WWC2: variants seen among roughly 807,000 people sequenced by gnomAD.
WWC2 encodes protein WWC2.
In WWC2, 101 loss-of-function variants were observed where a neutral mutation model predicts 138.5. The ratio of observed to expected loss-of-function variants is 0.73; its 90% CI spans 0.62 to 0.86. The LOEUF (loss-of-function observed/expected upper bound fraction) is 0.86. Ranked by LOEUF, WWC2 falls within the 40% of genes least tolerant of loss-of-function variation. The pLI is 0.00. For missense variants in WWC2, 1,420 were observed against 1,419.4 expected, an observed-to-expected ratio of 1.00 and a Z score of -0.01; for synonymous variants, 558 against 538.4, an observed-to-expected ratio of 1.04 and a Z score of -0.50.
chr4:183,165,422 G>A (rs4452469), intron 1 of WWC2, among the ~76,000 whole-genome samples: 150,598 of 152,308 alleles, frequency 0.99, 74,478 homozygotes, highest in Middle Eastern at 1. Flanking sequence ...TTGAGAAGCT[G>A]TTTAAGCCAG....
At chr4:183,252,891 C>T (rs75630539) in intron 8 of WWC2, among the ~76,000 whole-genome samples, 2 of 152,010 alleles carry the variant, frequency 1.3e-5, no homozygotes, top group Admixed American at 6.6e-5. Flanking sequence ...TGACTCCCTC[C>T]CAGGGTCTTG....
At chr4:183,122,695 T>A (rs1053459241) in intron 1 of WWC2, among the ~76,000 whole-genome samples, 2 of 151,972 alleles carry the variant, frequency 1.3e-5, no homozygotes, top group African/African-American at 4.8e-5. Flanking sequence ...AATTTTGTGT[T>A]TTTAGTAGCA....
Position 183,164,371 on chromosome 4 carries a change from A to T in WWC2, c.132-29228A>T, listed in dbSNP as rs1262467784. 0.011 allele frequency among the ~76,000 whole-genome samples: 7 copies of T among 642 alleles called. No individual in the cohort carries two copies. The East Asian group carries it at 0.14, about 13-fold the overall frequency. 0.4% of individuals were successfully genotyped at this position (642 alleles called of 152,430 possible). ...TATTATATATACATATATATATTAT[A>T]TATACATATATATATTATATATACA... On this transcript the variant is annotated intron_variant, in intron 1 of 22. Transcript: ENST00000403733.
At chr4:183,153,645 CTTT>C (rs397964355) in intron 1 of WWC2, among the ~76,000 whole-genome samples, 1 of 129,046 alleles carries the variant, frequency 7.7e-6, no homozygotes, top group Non-Finnish European at 1.6e-5. Context: ...TAGAAGTAGT[CTTT>C]TTTTTTTTTT....
chr4:183,130,212 C>T (rs1053841446), intron 1 of WWC2, among the ~76,000 whole-genome samples: 4 of 152,018 alleles, frequency 2.6e-5, no homozygotes. Flanking sequence ...GCCACCACGC[C>T]CTGCTAATTT....
chr4:183,209,315 C>T (rs1209069134), intron 4 of WWC2, among the ~76,000 whole-genome samples: 1 of 152,164 alleles, frequency 6.6e-6, no homozygotes, highest in Non-Finnish European at 1.5e-5. Flanking sequence ...GCAATCTCCG[C>T]CTCCTGGGTT....
chr4:183,221,617 A>G (rs1340408575), intron 4 of WWC2, among the ~76,000 whole-genome samples: 3 of 152,254 alleles, frequency 2.0e-5, no homozygotes, highest in Non-Finnish European at 4.4e-5. Flanking sequence ...ATTGTCAAAT[A>G]CTTGGAAATT....
chr4:183,196,205 C>T (rs551037539), intron 2 of WWC2, among the ~76,000 whole-genome samples: 1 of 152,130 alleles, frequency 6.6e-6, no homozygotes, highest in South Asian at 2.1e-4. Flanking sequence ...GTTAATTAAA[C>T]CTCTTTTCTT....
chr4:183,202,697 A>G (rs997931176), intron 2 of WWC2, among the ~76,000 whole-genome samples: 20 of 152,160 alleles, frequency 1.3e-4, no homozygotes, highest in Admixed American at 1.1e-3. Flanking sequence ...GAGCATATGT[A>G]TATATAATTC....
At chr4:183,301,037 C>T (rs374183404) in intron 21 of WWC2, among the ~76,000 whole-genome samples, 31 of 152,212 alleles carry the variant, frequency 2.0e-4, no homozygotes, top group African/African-American at 5.8e-4. Context: ...CCTGACTTTT[C>T]GTGATATATC....
intron 4 of WWC2, among the ~76,000 whole-genome samples, chr4:183,215,881 T>G (rs1302063091): frequency 6.6e-6 from 1 of 152,202 alleles, no homozygotes; most frequent in Non-Finnish European, 1.5e-5. Flanking sequence ...GCAATTAATT[T>G]TTCCTGTTAG....
intron 1 of WWC2, among the ~76,000 whole-genome samples, chr4:183,120,846 T>C (rs1318485461): frequency 6.6e-6 from 1 of 152,198 alleles, no homozygotes; most frequent in Non-Finnish European, 1.5e-5. Flanking sequence ...CCTCCTGGGC[T>C]CAGGCAGTTC....
At chr4:183,155,490 A>G (rs1246635718) in intron 1 of WWC2, among the ~76,000 whole-genome samples, 1 of 152,168 alleles carries the variant, frequency 6.6e-6, no homozygotes. Flanking sequence ...TGGAAGGGGT[A>G]TTTTAGAATG....
intron 1 of WWC2, among the ~76,000 whole-genome samples, chr4:183,133,747 G>A (rs1733019600): frequency 6.6e-6 from 1 of 152,020 alleles, no homozygotes; most frequent in Non-Finnish European, 1.5e-5. Context: ...TGCCCACCTT[G>A]GCCTCCCAAA....
chr4:183,230,480 C>T (rs944916239), intron 4 of WWC2, among the ~76,000 whole-genome samples: 1 of 152,148 alleles, frequency 6.6e-6, no homozygotes, highest in African/African-American at 2.4e-5. Context: ...AGTTCGAGAC[C>T]GGCCTGACCA....
intron 4 of WWC2, among the ~76,000 whole-genome samples, chr4:183,238,465 C>T (rs569911891): frequency 2.6e-5 from 4 of 152,272 alleles, no homozygotes; most frequent in African/African-American, 4.8e-5. Flanking sequence ...CCTTGATTCT[C>T]GTTGTTCTTA....
chr4:183,255,646 G>A (rs956551572), intron 9 of WWC2, among the ~76,000 whole-genome samples: 2 of 151,830 alleles, frequency 1.3e-5, no homozygotes, highest in African/African-American at 4.9e-5. Flanking sequence ...ATTTGTTCTG[G>A]CAGAGAAAGA....
intron 9 of WWC2, among the ~76,000 whole-genome samples, chr4:183,258,529 C>G (rs1737223382): frequency 6.6e-6 from 1 of 152,122 alleles, no homozygotes; most frequent in Non-Finnish European, 1.5e-5. Flanking sequence ...TTATTTTTCT[C>G]CAAAGAAAAG....
chr4:183,113,574 T>C (rs1732319469), intron 1 of WWC2, among the ~76,000 whole-genome samples: 1 of 151,782 alleles, frequency 6.6e-6, no homozygotes, highest in African/African-American at 2.4e-5. Flanking sequence ...CATTTTTGTT[T>C]GTTGGTAGAG....
Sources: allele counts gnomAD v4.1 joint callset (sites outside exome capture counted in the v4.1 genomes callset), GRCh38; gene constraint gnomAD v4.1.1; transcripts MANE v1.5; gene names NCBI Gene and HGNC (gene_info 2026-07-23, HGNC 2026-07-21).